The following SLC4A4 variants were observed in gnomAD, a reference collection of about 807,000 sequenced individuals.
The protein encoded by SLC4A4 is electrogenic sodium bicarbonate cotransporter 1.
A neutral mutation model predicts 111.5 loss-of-function variants in SLC4A4; 27 were observed. The ratio of observed to expected loss-of-function variants is 0.24; its 90% CI spans 0.18 to 0.33. The LOEUF is 0.33. SLC4A4 is among the 10% of genes least tolerant of loss of function. The pLI is 1.00. For missense variants in SLC4A4, 909 were observed against 1,315.5 expected, an observed-to-expected ratio of 0.69 and a Z score of 4.78; for synonymous variants, 443 against 463.4, an observed-to-expected ratio of 0.96 and a Z score of 0.57.
rs1560509628 is a variant in SLC4A4 at position 71,439,467 on chromosome 4, A to AAG, written c.808-1148_808-1147insGA. On this transcript the variant is annotated intron_variant, in intron 7 of 25. Transcript: ENST00000264485. The stretch of plus-strand genomic sequence containing the variant: ...AAAAAAAAAAAAAAAAAAAAAAAAA[A>AAG]AAAAGAAAAGAAAATCCCCAGCACC... Among the ~76,000 whole-genome samples, 3 of 135,346 alleles carry AAG rather than the reference A, an allele frequency of 2.2e-5. 1 individual carries two copies. Among genetic ancestry groups the AAG allele is most frequent in the African/African-American group, 8.6e-5 (3 of 34,714 alleles). The allele number at this position is 135,346 out of a possible 152,430, so 88.8% of individuals were successfully genotyped here. A position where few individuals can be genotyped will look rare whatever the true frequency, so the allele number is the denominator to read the frequency against.
At chr4:71,437,145 C>T (rs993456373) in intron 7 of SLC4A4, 11 of 459,892 alleles carry the variant, frequency 2.4e-5, no homozygotes, top group Middle Eastern at 1.1e-3. Context: ...AGTTCAGATC[C>T]GTCAGAGGGA....
intron 18 of SLC4A4, among the ~76,000 whole-genome samples, chr4:71,541,138 A>T (rs958245007): frequency 6.6e-6 from 1 of 152,138 alleles, no homozygotes. Flanking sequence ...TGGAGATGAG[A>T]GCAAAATAGT....
chr4:71,105,446 A>G (rs1398299256), intron 2 of SLC4A4, among the ~76,000 whole-genome samples: 3 of 151,566 alleles, frequency 2.0e-5, no homozygotes, highest in Admixed American at 6.6e-5. Context: ...GGAACCAAAA[A>G]AGAGCCCGCA....
chr4:71,197,676 G>A (rs1746069364), intron 1 of SLC4A4, among the ~76,000 whole-genome samples: 1 of 152,044 alleles, frequency 6.6e-6, no homozygotes. Context: ...GTATACATAT[G>A]TAACAAACCT....
chr4:71,292,669 T>A (rs1724443573), intron 3 of SLC4A4, among the ~76,000 whole-genome samples: 1 of 152,070 alleles, frequency 6.6e-6, no homozygotes, highest in South Asian at 2.1e-4. Flanking sequence ...CATTTCTTGA[T>A]TTTCCCAACA....
intron 18 of SLC4A4, among the ~76,000 whole-genome samples, chr4:71,539,356 T>C (rs904884335): frequency 7.9e-5 from 12 of 152,214 alleles, no homozygotes; most frequent in African/African-American, 2.6e-4. Context: ...CCTTTAAATC[T>C]TTACCTCTCA....
chr4:71,165,018 A>G (rs1011371421), intron 2 of SLC4A4, among the ~76,000 whole-genome samples: 3 of 152,270 alleles, frequency 2.0e-5, no homozygotes, highest in Admixed American at 1.3e-4. Flanking sequence ...ATCTCAAGCC[A>G]GTCAGAATGG....
intron 2 of SLC4A4, among the ~76,000 whole-genome samples, chr4:71,093,563 C>T (rs917941148): frequency 6.6e-6 from 1 of 152,132 alleles, no homozygotes; most frequent in Non-Finnish European, 1.5e-5. Flanking sequence ...AAGTGAATAT[C>T]CTGACTTGTT....
At chr4:71,073,978 G>T (rs1741742253) in intron 1 of SLC4A4, among the ~76,000 whole-genome samples, 1 of 151,990 alleles carries the variant, frequency 6.6e-6, no homozygotes, top group Non-Finnish European at 1.5e-5. Context: ...CCAGCTACTT[G>T]GGAGGCTGAG....
intron 3 of SLC4A4, among the ~76,000 whole-genome samples, chr4:71,263,743 C>G (rs1722036969): frequency 6.6e-6 from 1 of 151,994 alleles, no homozygotes; most frequent in Admixed American, 6.5e-5. Context: ...CTAATTTGTA[C>G]ATAATTAAAA....
At chr4:71,388,111 A>G (rs1163475228) in intron 6 of SLC4A4, among the ~76,000 whole-genome samples, 1 of 152,216 alleles carries the variant, frequency 6.6e-6, no homozygotes, top group African/African-American at 2.4e-5. Flanking sequence ...TTAGCCTTTA[A>G]CTAGCTAGCA....
At chr4:71,384,670 A>G (rs902812312) in intron 6 of SLC4A4, among the ~76,000 whole-genome samples, 1 of 150,678 alleles carries the variant, frequency 6.6e-6, no homozygotes, top group East Asian at 1.9e-4. Flanking sequence ...AAATTACCTC[A>G]TTTGTACACC....
chr4:71,487,074 T>C, intron 15 of SLC4A4, 56 bp downstream of exon 15: 1 of 997,574 alleles, frequency 1.0e-6, no homozygotes, highest in Non-Finnish European at 1.6e-6. Context: ...TGTATACTTG[T>C]TTATAATACT....
intron 3 of SLC4A4, among the ~76,000 whole-genome samples, chr4:71,318,220 T>G (rs2148863729): frequency 6.6e-6 from 1 of 152,200 alleles, no homozygotes; most frequent in Non-Finnish European, 1.5e-5. Flanking sequence ...GTTCTCAAAG[T>G]CTTTGCTCAT....
intron 22 of SLC4A4, 52 bp downstream of exon 22, chr4:71,557,937 G>A (rs773675658): frequency 1.3e-6 from 2 of 1,497,974 alleles, no homozygotes; most frequent in Non-Finnish European, 1.9e-6. Context: ...AGTATCATGT[G>A]GTTATTGTTA....
intron 2 of SLC4A4, among the ~76,000 whole-genome samples, chr4:71,243,102 C>T (rs952558006): frequency 4.6e-5 from 7 of 152,222 alleles, no homozygotes; most frequent in African/African-American, 7.2e-5. Context: ...CTGGGTAAAA[C>T]GCAAATCTTG....
At chr4:71,127,894 G>T (rs537764709) in intron 2 of SLC4A4, among the ~76,000 whole-genome samples, 1 of 152,158 alleles carries the variant, frequency 6.6e-6, no homozygotes, top group African/African-American at 2.4e-5. Context: ...GAGCCAAGGC[G>T]GGAGGATCAT....
At chr4:71,368,606 A>G (rs1252882432) in intron 6 of SLC4A4, among the ~76,000 whole-genome samples, 2 of 152,148 alleles carry the variant, frequency 1.3e-5, no homozygotes, top group Non-Finnish European at 2.9e-5. Context: ...TACTAATACG[A>G]CACCCTGCCC....
At chr4:71,401,603 G>A (rs1431438228) in intron 7 of SLC4A4, among the ~76,000 whole-genome samples, 3 of 152,148 alleles carry the variant, frequency 2.0e-5, no homozygotes, top group African/African-American at 7.2e-5. Flanking sequence ...AAATTTACAT[G>A]TGAGGTGGGT....
Sources: gnomAD v4.1 joint callset for allele counts (sites outside exome capture counted in the v4.1 genomes callset) on GRCh38, gnomAD v4.1.1 for gene constraint, MANE v1.5 for transcripts, NCBI Gene and HGNC (gene_info 2026-07-23, HGNC 2026-07-21) for gene names.